ATG10: variants seen among roughly 807,000 people sequenced by gnomAD.
The protein encoded by ATG10 is ubiquitin-like-conjugating enzyme ATG10.
In ATG10, 30 loss-of-function variants were observed where a neutral mutation model predicts 32.1. The ratio of observed to expected loss-of-function variants is 0.94; its 90% CI spans 0.70 to 1.27. The LOEUF is 1.27. Among genes scored for constraint, ATG10 ranks in the 50% most tolerant of loss-of-function variants. ATG10 has a pLI of 0.00. For missense variants in ATG10, 233 were observed against 262.3 expected, an observed-to-expected ratio of 0.89 and a Z score of 0.77; for synonymous variants, 87 against 91.5, an observed-to-expected ratio of 0.95 and a Z score of 0.28.
Position 81,995,904 on chromosome 5 carries a change from G to A in ATG10, c.108+8226G>A, listed in dbSNP as rs201027305. On this transcript the variant is annotated intron_variant, in intron 2 of 7. Transcript: ENST00000282185. The stretch of plus-strand genomic sequence containing the variant: ...TGGATTTTATTTCTGGAGATAATTT[G>A]TGTTGTGGAGAAATTATATAGACCC... 1.1e-3 allele frequency among the ~76,000 whole-genome samples: 170 copies of A among 152,314 alleles called. 6 individuals carry two copies. In the East Asian group the frequency reaches 0.029, roughly 26 times the overall value.
intron 5 of ATG10, among the ~76,000 whole-genome samples, chr5:82,245,951 C>T (rs1747011909): frequency 6.6e-6 from 1 of 152,030 alleles, no homozygotes; most frequent in South Asian, 2.1e-4. Flanking sequence ...GAAGAGTGCT[C>T]ATGATTAACA....
intron 3 of ATG10, chr5:82,147,855 C>T (rs1033081052): frequency 6.6e-6 from 1 of 152,402 alleles, no homozygotes; most frequent in African/African-American, 2.4e-5. Context: ...GTGCCAACAC[C>T]ACCACCATTG....
intron 5 of ATG10, among the ~76,000 whole-genome samples, chr5:82,243,545 T>A (rs921305277): frequency 1.3e-5 from 2 of 152,112 alleles, no homozygotes; most frequent in African/African-American, 4.8e-5. Flanking sequence ...TAAGAATCCT[T>A]TTTTGGCAGA....
chr5:82,209,167 C>T (rs945533988), intron 5 of ATG10, among the ~76,000 whole-genome samples: 6 of 152,036 alleles, frequency 3.9e-5, no homozygotes, highest in African/African-American at 9.7e-5. Context: ...TAATAAAAAA[C>T]TTGATTTCTT....
chr5:82,200,712 C>G (rs1745036882), intron 5 of ATG10, among the ~76,000 whole-genome samples: 1 of 150,956 alleles, frequency 6.6e-6, no homozygotes, highest in East Asian at 1.9e-4. Flanking sequence ...TGGGTTTTGA[C>G]AGTTCTTTAC....
intron 5 of ATG10, among the ~76,000 whole-genome samples, chr5:82,195,369 T>C (rs1216939028): frequency 6.6e-6 from 1 of 152,156 alleles, no homozygotes; most frequent in African/African-American, 2.4e-5. Context: ...GTCACTGAGA[T>C]GGGAGGTTTT....
chr5:82,048,536 A>C (rs1328105431), intron 2 of ATG10, among the ~76,000 whole-genome samples: 1 of 152,198 alleles, frequency 6.6e-6, no homozygotes, highest in African/African-American at 2.4e-5. Flanking sequence ...ACAAAAGCCA[A>C]AATTGACAAA....
At chr5:82,052,024 T>A (rs2149741560) in intron 2 of ATG10, among the ~76,000 whole-genome samples, 1 of 152,272 alleles carries the variant, frequency 6.6e-6, no homozygotes, top group East Asian at 1.9e-4. Flanking sequence ...AGGGCTCCAC[T>A]GACCTTGAAG....
chr5:82,102,152 A>G (rs1765296441), intron 3 of ATG10, among the ~76,000 whole-genome samples: 1 of 152,208 alleles, frequency 6.6e-6, no homozygotes, highest in Non-Finnish European at 1.5e-5. Context: ...GCTGTGACAT[A>G]GATACATTTT....
intron 5 of ATG10, among the ~76,000 whole-genome samples, chr5:82,230,087 G>A (rs186008386): frequency 6.6e-5 from 10 of 152,318 alleles, no homozygotes; most frequent in Admixed American, 3.3e-4. Flanking sequence ...ATGTTCTCTT[G>A]CATCAGGTCA....
intron 3 of ATG10, among the ~76,000 whole-genome samples, chr5:82,076,214 A>G (rs1764269663): frequency 6.6e-6 from 1 of 152,204 alleles, no homozygotes; most frequent in Non-Finnish European, 1.5e-5. Flanking sequence ...ATAAAACACT[A>G]GGAAATAGTG....
intron 5 of ATG10, among the ~76,000 whole-genome samples, chr5:82,210,998 G>A (rs909903992): frequency 5.3e-5 from 8 of 152,062 alleles, no homozygotes; most frequent in African/African-American, 1.9e-4. Context: ...TGAAATTCTA[G>A]GATTCTATTA....
intron 5 of ATG10, among the ~76,000 whole-genome samples, chr5:82,221,636 C>T (rs747877559): frequency 2.6e-5 from 4 of 152,004 alleles, no homozygotes; most frequent in African/African-American, 9.7e-5. Context: ...GATAGGACTC[C>T]GAAGCCACCA....
chr5:82,212,689 A>G (rs574934312), intron 5 of ATG10, among the ~76,000 whole-genome samples: 1 of 152,312 alleles, frequency 6.6e-6, no homozygotes, highest in Admixed American at 6.5e-5. Flanking sequence ...AAACAGATAC[A>G]ACTTTAATGA....
intron 2 of ATG10, among the ~76,000 whole-genome samples, chr5:82,015,315 T>C (rs965923391): frequency 6.6e-6 from 1 of 152,228 alleles, no homozygotes; most frequent in Non-Finnish European, 1.5e-5. Flanking sequence ...GTGGAGTTGC[T>C]CTTCTCGAGG....
At chr5:82,144,352 T>C (rs895278719) in intron 3 of ATG10, among the ~76,000 whole-genome samples, 2 of 151,974 alleles carry the variant, frequency 1.3e-5, no homozygotes, top group Non-Finnish European at 2.9e-5. Flanking sequence ...TGTTATTTCC[T>C]TTCTTTTATT....
chr5:82,201,001 C>T (rs771725019), intron 5 of ATG10, among the ~76,000 whole-genome samples: 1 of 151,904 alleles, frequency 6.6e-6, no homozygotes, highest in African/African-American at 2.4e-5. Flanking sequence ...TCTCCTGCCT[C>T]AGCCTCCCGA....
intron 5 of ATG10, among the ~76,000 whole-genome samples, chr5:82,197,702 TTTTCTTTC>T (rs71605825): frequency 1.4e-5 from 2 of 147,628 alleles, no homozygotes; most frequent in African/African-American, 5.0e-5. Flanking sequence ...TGTCCCATTA[TTTTCTTTC>T]TTTCTTTCTT....
At chr5:82,239,503 T>G (rs2150016751) in intron 5 of ATG10, among the ~76,000 whole-genome samples, 1 of 152,236 alleles carries the variant, frequency 6.6e-6, no homozygotes, top group Non-Finnish European at 1.5e-5. Flanking sequence ...GACTTAGGCA[T>G]GGGGTACAGT....
Sources: allele counts gnomAD v4.1 joint callset (sites outside exome capture counted in the v4.1 genomes callset), GRCh38; gene constraint gnomAD v4.1.1; transcripts MANE v1.5; gene names NCBI Gene and HGNC (gene_info 2026-07-23, HGNC 2026-07-21).